PARVB: variants seen among roughly 807,000 people sequenced by gnomAD.
PARVB encodes the protein parvin beta, also known as beta-parvin.
A neutral mutation model predicts 47.0 loss-of-function variants in PARVB; 46 were observed. That is an observed-to-expected ratio of 0.98 (90% CI 0.77 to 1.25). PARVB has a LOEUF of 1.25. Ranked by LOEUF, PARVB falls within the 50% of genes most tolerant of loss-of-function variation. PARVB has a pLI of 0.00. For synonymous variants in PARVB, 196 were observed against 196.3 expected (o/e 1.00, Z 0.01); for missense variants, 473 against 471.6 (o/e 1.00, Z -0.03).
chr22:44,151,681 G>A (rs2053813938), intron 10 of PARVB, 130 bp downstream of exon 10: 1 of 716,204 alleles, frequency 1.4e-6, no homozygotes, highest in Admixed American at 2.1e-5. Context: ...CCGTGGTGCA[G>A]GCAGAAATAA....
chr22:44,072,670 G>T (rs2051681123), intron 1 of PARVB, among the ~76,000 whole-genome samples: 1 of 152,118 alleles, frequency 6.6e-6, no homozygotes, highest in African/African-American at 2.4e-5. Flanking sequence ...TCGAACTCCT[G>T]ACCTCAAGTC....
At position 44,172,901 on chromosome 22, in the gene PARVB, A is replaced by G; in HGVS notation, c.*4223A>G. 9.1e-7 allele frequency: 1 copy of G among 1,095,708 alleles called. No individual in the cohort carries two copies. The highest frequency in any genetic ancestry group is 2.4e-5 in the Admixed American group (1 of 41,506). The allele number at this position is 1,095,708 out of a possible 1,614,324, so 67.9% of individuals were successfully genotyped here. On this transcript the variant is annotated 3_prime_UTR_variant, in exon 13 of 13. Transcript: ENST00000338758. Reference sequence around the variant, plus strand: ...TTAGGACAATGCCACGTGGCGTCACAGTATGCTGTTATTTATTCCAATAAA... The same window carrying G: ...TTAGGACAATGCCACGTGGCGTCACGGTATGCTGTTATTTATTCCAATAAA...
chr22:44,041,689 G>A (rs1480589550), intron 1 of PARVB, among the ~76,000 whole-genome samples: 1 of 151,866 alleles, frequency 6.6e-6, no homozygotes, highest in Non-Finnish European at 1.5e-5. Flanking sequence ...TTTGAGACCA[G>A]CCTAGGCTAC....
chr22:44,074,814 C>T (rs2051731494), intron 1 of PARVB, among the ~76,000 whole-genome samples: 1 of 152,210 alleles, frequency 6.6e-6, no homozygotes, highest in Non-Finnish European at 1.5e-5. Context: ...GTGCAACAGC[C>T]AAGACAATGG....
intron 1 of PARVB, among the ~76,000 whole-genome samples, chr22:44,064,568 G>T (rs148196583): frequency 1.3e-5 from 2 of 152,338 alleles, no homozygotes; most frequent in Non-Finnish European, 2.9e-5. Context: ...GTAATTATAT[G>T]TGGTTCCTAC....
At chr22:44,011,782 G>A (rs990214916) in intron 2 of PARVB, among the ~76,000 whole-genome samples, 12 of 152,068 alleles carry the variant, frequency 7.9e-5, no homozygotes, top group Admixed American at 2.0e-4. Context: ...CTCCAGCATC[G>A]TAGAGCAAGT....
chr22:44,043,287 G>A (rs146485539), intron 1 of PARVB, among the ~76,000 whole-genome samples: 3 of 152,168 alleles, frequency 2.0e-5, no homozygotes, highest in African/African-American at 7.2e-5. Context: ...GATTATTTTG[G>A]GGGTGACGAA....
At chr22:44,096,051 C>T (rs565544878) in intron 2 of PARVB, among the ~76,000 whole-genome samples, 49 of 152,316 alleles carry the variant, frequency 3.2e-4, no homozygotes, top group Non-Finnish European at 5.9e-4. Flanking sequence ...TGGCAAAACC[C>T]TGTCTCTACT....
intron 1 of PARVB, among the ~76,000 whole-genome samples, chr22:44,037,109 C>T (rs2050936107): frequency 6.6e-6 from 1 of 152,086 alleles, no homozygotes; most frequent in African/African-American, 2.4e-5. Context: ...ATCGCTTGAG[C>T]CCAGGAGTTT....
At chr22:44,102,637 C>G (rs2052475365) in intron 3 of PARVB, 1 of 151,400 alleles carries the variant, frequency 6.6e-6, no homozygotes, top group Non-Finnish European at 1.5e-5. Context: ...CCCAGGAGTT[C>G]AAGACCAGCC....
chr22:44,062,574 T>C (rs2051439684), intron 1 of PARVB, among the ~76,000 whole-genome samples: 2 of 151,762 alleles, frequency 1.3e-5, no homozygotes, highest in Non-Finnish European at 1.5e-5. Flanking sequence ...GAGGTGGTGA[T>C]TGCAGTGAGC....
intron 1 of PARVB, among the ~76,000 whole-genome samples, chr22:44,070,582 T>C (rs2051632434): frequency 6.6e-6 from 1 of 152,128 alleles, no homozygotes; most frequent in Admixed American, 6.5e-5. Flanking sequence ...TTTTTGTAGA[T>C]GTGTGGGGAT....
chr22:44,119,632 G>A (rs1329509090), intron 4 of PARVB, among the ~76,000 whole-genome samples: 2 of 152,246 alleles, frequency 1.3e-5, no homozygotes, highest in Non-Finnish European at 2.9e-5. Flanking sequence ...CTGATGCATG[G>A]TTTGATGTGC....
At chr22:44,012,645 G>A (rs1037379115) in intron 2 of PARVB, among the ~76,000 whole-genome samples, 21 of 152,012 alleles carry the variant, frequency 1.4e-4, no homozygotes, top group Non-Finnish European at 2.8e-4. Context: ...TTTCTCCATC[G>A]CACATCAATT....
intron 1 of PARVB, among the ~76,000 whole-genome samples, chr22:44,032,734 A>G (rs2050847750): frequency 6.6e-6 from 1 of 152,182 alleles, no homozygotes; most frequent in South Asian, 2.1e-4. Context: ...GGTACGTGGT[A>G]CAGCAGAAGT....
intron 1 of PARVB, among the ~76,000 whole-genome samples, chr22:44,087,990 C>T (rs1237925544): frequency 1.3e-5 from 2 of 151,850 alleles, no homozygotes; most frequent in Non-Finnish European, 2.9e-5. Flanking sequence ...GCGACTGTGC[C>T]GAGGGTGTGT....
Position 44,046,066 on chromosome 22 carries a change from C to A in PARVB, c.112+21615C>A, listed in dbSNP as rs569151429. Among the ~76,000 whole-genome samples, 4 of 152,304 alleles carry A rather than the reference C, an allele frequency of 2.6e-5. No individual in the cohort carries two copies. In the South Asian group the frequency reaches 8.3e-4, roughly 32 times the overall value. On this transcript the variant is annotated intron_variant, in intron 1 of 12. Coordinates refer to ENST00000338758, the MANE Select transcript of PARVB (RefSeq NM_013327.5). ...TGAACATAGGATGTCTTTCCACTTC[C>A]TTAAGTCTTCTTTAATTTCCCTTCG...
intron 2 of PARVB, among the ~76,000 whole-genome samples, chr22:44,097,786 G>A (rs922219452): frequency 1.3e-5 from 2 of 152,192 alleles, no homozygotes; most frequent in Non-Finnish European, 2.9e-5. Flanking sequence ...GCTACCCCAC[G>A]GGGACAGGTA....
Position 44,157,857 on chromosome 22 carries a change from C to T in PARVB, c.844-125C>T, listed in dbSNP as rs1425351466. 4 of 655,022 alleles carry T rather than the reference C, an allele frequency of 6.1e-6. No homozygotes were observed. In the East Asian group the frequency reaches 1.1e-4, roughly 19 times the overall value. The allele number at this position is 655,022 out of a possible 1,614,324, so 40.6% of individuals were successfully genotyped here. ...GCAGTGAGCCTTGATTGCATCAGTG[C>T]ACTCCAGCCTGGGTGACAGAGTGAG... On this transcript the variant is annotated intron_variant, in intron 10 of 12. Transcript: ENST00000338758.
Sources: allele counts gnomAD v4.1 joint callset (sites outside exome capture counted in the v4.1 genomes callset), GRCh38; gene constraint gnomAD v4.1.1; transcripts MANE v1.5; gene names NCBI Gene and HGNC (gene_info 2026-07-23, HGNC 2026-07-21).